TENM2: variants seen among roughly 807,000 people sequenced by gnomAD.
The protein encoded by TENM2 is teneurin transmembrane protein 2.
A neutral mutation model predicts 245.2 loss-of-function variants in TENM2; 52 were observed. That is an observed-to-expected ratio of 0.21 (90% confidence interval 0.17 to 0.27). The LOEUF (loss-of-function observed/expected upper bound fraction) is 0.27. TENM2 is among the 10% of genes least tolerant of loss of function. TENM2 has a pLI of 1.00. For missense variants in TENM2, 3,046 were observed against 3,666.8 expected (o/e 0.83, Z 4.37); for synonymous variants, 1,363 against 1,438.9 (o/e 0.95, Z 1.19).
At chr5:167,211,223 T>C in the TENM2 span, among the ~76,000 whole-genome samples, 1 of 152,216 alleles carries the variant, frequency 6.6e-6, no homozygotes, top group South Asian at 2.1e-4. Context: ...GTGACTATCG[T>C]GGCTAACTTG....
At chr5:167,346,410 T>C (rs1410676689) in intron 1 of TENM2, among the ~76,000 whole-genome samples, 5 of 152,250 alleles carry the variant, frequency 3.3e-5, no homozygotes, top group Non-Finnish European at 5.9e-5. Context: ...TCTGCCCAGT[T>C]ATTTTTATTA....
intron 2 of TENM2, among the ~76,000 whole-genome samples, chr5:167,765,386 C>G (rs751805852): frequency 6.6e-6 from 1 of 151,936 alleles, no homozygotes; most frequent in African/African-American, 2.4e-5. Context: ...CTATCCATAA[C>G]GAGGAACATG....
chr5:167,922,799 G>A (rs1056134411), intron 3 of TENM2, among the ~76,000 whole-genome samples: 7 of 152,186 alleles, frequency 4.6e-5, no homozygotes, highest in Middle Eastern at 6.8e-3. Flanking sequence ...CCTTACCTCG[G>A]TGTAAGCAGT....
intron 1 of TENM2, among the ~76,000 whole-genome samples, chr5:167,294,894 C>G (rs1023961402): frequency 3.3e-5 from 5 of 152,196 alleles, no homozygotes; most frequent in Non-Finnish European, 7.3e-5. Context: ...TGGAATACCT[C>G]TCTGCCTATT....
chr5:167,583,564 G>A (rs1289781690), intron 2 of TENM2, among the ~76,000 whole-genome samples: 1 of 151,562 alleles, frequency 6.6e-6, no homozygotes, highest in Non-Finnish European at 1.5e-5. Context: ...AACATTTTTA[G>A]AGAATAACCA....
rs189881146 is a variant in TENM2 at position 167,786,253 on chromosome 5, A to G, written c.503-89733A>G. Among the ~76,000 whole-genome samples, 36 of 152,372 alleles carry G rather than the reference A, an allele frequency of 2.4e-4. No individual in the cohort carries two copies. The East Asian group carries it at 6.6e-3, about 28-fold the overall frequency. ...CAGGATTCTCTCTCTCACAAATGGC[A>G]GAGGCTGAACTCCAGCTGGCTTTGG... On this transcript the variant is annotated intron_variant, in intron 2 of 28. Transcript: ENST00000518659.
At chr5:168,054,248 G>A (rs1031248207) in intron 6 of TENM2, among the ~76,000 whole-genome samples, 2 of 152,188 alleles carry the variant, frequency 1.3e-5, no homozygotes, top group Non-Finnish European at 1.5e-5. Flanking sequence ...TGACTTTCAG[G>A]ATGTAATTGC....
At chr5:167,930,326 A>G (rs1413977468) in intron 3 of TENM2, among the ~76,000 whole-genome samples, 2 of 152,276 alleles carry the variant, frequency 1.3e-5, no homozygotes, top group Non-Finnish European at 2.9e-5. Context: ...TCAGTTTTCT[A>G]TAGGAACAAA....
At chr5:168,226,879 G>A (rs550390515) in intron 24 of TENM2, among the ~76,000 whole-genome samples, 1 of 152,326 alleles carries the variant, frequency 6.6e-6, no homozygotes, top group Admixed American at 6.5e-5. Context: ...TTTTAATTAA[G>A]ATATAATGTC....
At chr5:167,765,722 T>A (rs1762972305) in intron 2 of TENM2, among the ~76,000 whole-genome samples, 1 of 152,196 alleles carries the variant, frequency 6.6e-6, no homozygotes, top group African/African-American at 2.4e-5. Context: ...GTTATTGAGA[T>A]GTGTGGTTTT....
intron 2 of TENM2, among the ~76,000 whole-genome samples, chr5:167,430,646 GC>G (rs1257026307): frequency 6.6e-6 from 1 of 152,146 alleles, no homozygotes; most frequent in African/African-American, 2.4e-5. Flanking sequence ...CCATGGGGCT[GC>G]CCTAGCAGCA....
the TENM2 span, among the ~76,000 whole-genome samples, chr5:167,189,139 TG>T: frequency 6.6e-6 from 1 of 152,150 alleles, no homozygotes. Flanking sequence ...CAGTTTGAGA[TG>T]GAAGTGACAA....
intron 2 of TENM2, among the ~76,000 whole-genome samples, chr5:167,709,803 G>T (rs1201378853): frequency 6.6e-6 from 1 of 152,164 alleles, no homozygotes; most frequent in Non-Finnish European, 1.5e-5. Context: ...GAAACCAAAA[G>T]CGAGAGTGAG....
chr5:167,354,169 C>G (rs1185275079), intron 1 of TENM2, among the ~76,000 whole-genome samples: 2 of 152,208 alleles, frequency 1.3e-5, no homozygotes, highest in Non-Finnish European at 2.9e-5. Context: ...CAAGGCAGAT[C>G]TGGCGTGATG....
intron 13 of TENM2, among the ~76,000 whole-genome samples, chr5:168,179,344 C>T (rs965189650): frequency 1.3e-5 from 2 of 152,138 alleles, no homozygotes; most frequent in African/African-American, 4.8e-5. Flanking sequence ...GATCGAAGCA[C>T]AGCACAGGCT....
chr5:167,942,333 C>T (rs1042075459), intron 3 of TENM2, among the ~76,000 whole-genome samples: 1 of 152,186 alleles, frequency 6.6e-6, no homozygotes, highest in Non-Finnish European at 1.5e-5. Flanking sequence ...TCATTTAACT[C>T]TCTTTACCAA....
intron 1 of TENM2, among the ~76,000 whole-genome samples, chr5:167,332,447 CCG>C (rs1455268037): frequency 6.6e-6 from 1 of 152,126 alleles, no homozygotes; most frequent in African/African-American, 2.4e-5. Context: ...GTAACTGCAC[CCG>C]CCTCAACAGA....
intron 2 of TENM2, among the ~76,000 whole-genome samples, chr5:167,470,454 C>CTTTTGTTTTTTTTT (rs1766940833): frequency 2.1e-5 from 1 of 47,394 alleles, no homozygotes; most frequent in African/African-American, 8.4e-5. Context: ...GCAATGCTTG[C>CTTTTGTTTTTTTTT]TTTTTTTTTT....
the TENM2 span, among the ~76,000 whole-genome samples, chr5:167,209,635 A>G: frequency 6.6e-6 from 1 of 152,052 alleles, no homozygotes; most frequent in Non-Finnish European, 1.5e-5. Flanking sequence ...TTTATTTTAG[A>G]CTATTTTCTG....
Sources: allele counts gnomAD v4.1 joint callset (sites outside exome capture counted in the v4.1 genomes callset), GRCh38; gene constraint gnomAD v4.1.1; transcripts MANE v1.5; gene names NCBI Gene and HGNC (gene_info 2026-07-23, HGNC 2026-07-21).